MEOX1: variants seen among roughly 807,000 people sequenced by gnomAD.
MEOX1 encodes the protein homeobox protein MOX-1.
In MEOX1, 17 loss-of-function variants were observed where a neutral mutation model predicts 23.2. That is an observed-to-expected ratio of 0.73 (90% confidence interval 0.50 to 1.10). MEOX1 has a LOEUF of 1.10. MEOX1 is among the 50% of genes least tolerant of loss of function. The pLI is 0.00. For missense variants in MEOX1, 333 were observed against 332.2 expected, an observed-to-expected ratio of 1.00 and a Z score of -0.02; for synonymous variants, 134 against 135.1, an observed-to-expected ratio of 0.99 and a Z score of 0.06.
At chr17:43,650,239 T>C (rs1715757487) in intron 1 of MEOX1, among the ~76,000 whole-genome samples, 1 of 151,670 alleles carries the variant, frequency 6.6e-6, no homozygotes, top group South Asian at 2.1e-4. Context: ...GACTTAGAGA[T>C]GATCAATGTC....
Position 43,641,856 on chromosome 17 carries a change from G to A in MEOX1, c.*54C>T. On this transcript the variant is annotated 3_prime_UTR_variant, in exon 3 of 3. Transcript: ENST00000318579. ...AGAGGGTGAAGGTGGGATTGGGGTG[G>A]GGGTAGTTGGGTAGGGGGCTCAGTC... The A allele has an allele frequency of 6.4e-7, 1 of 1,556,310 alleles. No homozygotes were observed. The highest frequency in any genetic ancestry group is 8.7e-7 in the Non-Finnish European group (1 of 1,149,626).
At chr17:43,657,015 T>TTTCTTTCTTTCC (rs1973036775) in intron 1 of MEOX1, among the ~76,000 whole-genome samples, 2 of 104,562 alleles carry the variant, frequency 1.9e-5, no homozygotes, top group South Asian at 7.2e-4. Flanking sequence ...TTTCTTTCTC[T>TTTCTTTCTTTCC]TTCTTTCTTT....
intron 1 of MEOX1, among the ~76,000 whole-genome samples, chr17:43,651,313 C>G (rs948905971): frequency 6.6e-6 from 1 of 151,994 alleles, no homozygotes; most frequent in Admixed American, 6.6e-5. Context: ...AGTGAGACTC[C>G]GTCTCAGAAA....
chr17:43,661,285 G>C lies in MEOX1; in HGVS notation c.250C>G (p.Gln84Glu), dbSNP rs713993044. The C allele has an allele frequency of 6.2e-7, 1 of 1,610,946 alleles. No homozygotes were observed. Among genetic ancestry groups the C allele is most frequent in the Non-Finnish European group, 8.5e-7 (1 of 1,178,124 alleles). The part of the protein sequence containing the change: ...LPQEEHIFTE[Q>E]HPAFPQSPNW... ...GGGGACTGTGGGAAAGCGGGGTGCT[G>C]CTCAGTGAAGATGTGCTCCTCCTGG... Residue 84 changes from glutamine to glutamate, a missense_variant, in exon 1 of 3, where the codon CAG becomes GAG. Coordinates refer to ENST00000318579, the MANE Select transcript of MEOX1 (RefSeq NM_004527.4).
chr17:43,657,012 CT>C lies in MEOX1; in HGVS notation c.469+4053del, dbSNP rs1652479085. Among the ~76,000 whole-genome samples, 3 of 105,086 alleles carry C rather than the reference CT, an allele frequency of 2.9e-5. No homozygotes were observed. In the East Asian group the frequency reaches 8.0e-4, roughly 28 times the overall value. 68.9% of individuals were successfully genotyped at this position (105,086 alleles called of 152,430 possible). A position where few individuals can be genotyped will look rare whatever the true frequency, so the allele number is the denominator to read the frequency against. On this transcript the variant is annotated intron_variant, in intron 1 of 2. Coordinates refer to ENST00000318579, the MANE Select transcript of MEOX1 (RefSeq NM_004527.4). ...TTTCTTTCTTTTTCTTTCTTTCTTT[CT>C]CTTTCTTTCTTTCTTTCTTTCTTTC...
intron 1 of MEOX1, among the ~76,000 whole-genome samples, chr17:43,660,067 C>G (rs2154589055): frequency 6.6e-6 from 1 of 152,342 alleles, no homozygotes; most frequent in South Asian, 2.1e-4. Context: ...GACAGGCGTG[C>G]CCCTGAGGGC....
At position 43,641,959 on chromosome 17, in the gene MEOX1, C is replaced by T; in HGVS notation, c.716G>A (p.Gly239Glu). The part of the protein sequence containing the change: ...VKGGQPISPN[G>E]QDPEDGDSTA... Reference sequence around the variant, plus strand: ...GGAGTCCCCATCCTCAGGGTCCTGCCCATTGGGGGAGATGGGCTGACCTCC... The same window carrying T: ...GGAGTCCCCATCCTCAGGGTCCTGCTCATTGGGGGAGATGGGCTGACCTCC... Residue 239 changes from glycine to glutamate, a missense_variant, in exon 3 of 3, where the codon GGG (glycine) becomes GAG (glutamate). By Grantham distance (98) the Gly-to-Glu change is moderately conservative. Coordinates refer to ENST00000318579, the MANE Select transcript of MEOX1 (RefSeq NM_004527.4). 1 of 1,614,058 alleles carries T rather than the reference C, an allele frequency of 6.2e-7. No homozygotes were observed.
chr17:43,644,686 C>T (rs1972769247), intron 1 of MEOX1, among the ~76,000 whole-genome samples: 1 of 152,018 alleles, frequency 6.6e-6, no homozygotes, highest in Non-Finnish European at 1.5e-5. Flanking sequence ...GAGGCCAAGG[C>T]GGGCGGATCA....
intron 1 of MEOX1, among the ~76,000 whole-genome samples, chr17:43,650,874 G>A (rs916319789): frequency 1.3e-5 from 2 of 152,178 alleles, no homozygotes; most frequent in Non-Finnish European, 2.9e-5. Context: ...TGGCCTGACT[G>A]TCTCACTGAG....
At chr17:43,642,299 CA>C (rs1309290253) in intron 2 of MEOX1, among the ~76,000 whole-genome samples, 12 of 152,166 alleles carry the variant, frequency 7.9e-5, no homozygotes, top group Admixed American at 2.0e-4. Context: ...ACCCCCTTCA[CA>C]TGCCCTGCCC....
In MEOX1 at chr17:43,660,153, G is replaced by A. The variant is rs115119292; in HGVS notation, c.469+913C>T. Among the ~76,000 whole-genome samples the A allele has an allele frequency of 3.0e-3, 451 of 152,322 alleles. 3 individuals carry two copies. Among genetic ancestry groups the A allele is most frequent in the African/African-American group, 0.01 (426 of 41,584 alleles). ...TTTGTTCTGAACGAGGCCGGGACAA[G>A]GAACCAGACAAAAGGTGGACAGGTA... On this transcript the variant is annotated intron_variant, in intron 1 of 2. Coordinates refer to ENST00000318579, the MANE Select transcript of MEOX1 (RefSeq NM_004527.4).
At position 43,661,246 on chromosome 17, in the gene MEOX1, G is replaced by C; in HGVS notation, c.289C>G (p.Pro97Ala). The change falls in exon 1 of 3, where the codon CCT becomes GCT. Residue 97 changes from proline to alanine, a missense_variant. Transcript: ENST00000318579. ...AFPQSPNWHF[P>A]VSDARRRPNS... ...GGCCTGCGCCGGGCGTCTGAGACAG[G>C]GAAGTGCCAGTTGGGGGACTGTGGG... is the stretch of plus-strand genomic sequence containing the variant. 1 of 1,609,894 alleles carries C rather than the reference G, an allele frequency of 6.2e-7. No individual in the cohort carries two copies. Among genetic ancestry groups the C allele is most frequent in the Non-Finnish European group, 8.5e-7 (1 of 1,177,600 alleles).
chr17:43,643,577 C>T lies in MEOX1; in HGVS notation c.553G>A (p.Glu185Lys). 6.2e-7 allele frequency: 1 copy of T among 1,612,922 alleles called. No individual in the cohort carries two copies. Among genetic ancestry groups the T allele is most frequent in the Non-Finnish European group, 8.5e-7 (1 of 1,179,682 alleles). Reference protein sequence around the residue: ...RTAFTKEQLRELEAEFAHHNY... With the variant: ...RTAFTKEQLRKLEAEFAHHNY... ...TGATGGGCAAACTCTGCCTCCAGCT[C>T]TCGCAGCTGCTCCTTGGTGAAGGCC... Residue 185 changes from glutamate (E) to lysine (K), a missense_variant, in exon 2 of 3, where the codon GAG (glutamate) becomes AAG (lysine). Glu to Lys is a moderately conservative substitution (Grantham distance 56). Coordinates refer to ENST00000318579, the MANE Select transcript of MEOX1 (RefSeq NM_004527.4).
chr17:43,653,348 C>A (rs1438040075), intron 1 of MEOX1, among the ~76,000 whole-genome samples: 1 of 150,442 alleles, frequency 6.6e-6, no homozygotes, highest in African/African-American at 2.5e-5. Context: ...TCATGTTGGT[C>A]AGGCTGGTCT....
chr17:43,661,605 A>G lies in MEOX1; in HGVS notation c.-71T>C, dbSNP rs907579374. On this transcript the variant is annotated 5_prime_UTR_variant, in exon 1 of 3. Transcript: ENST00000318579. ...TATACTTTTTATGTTCAAATTTTTA[A>G]AAATGCAAAAGAAAAAAAACTAAAT... The G allele has an allele frequency of 1.0e-6, 1 of 987,348 alleles. No individual in the cohort carries two copies. The highest frequency in any genetic ancestry group is 1.7e-5 in the African/African-American group (1 of 59,124). 61.2% of individuals were successfully genotyped at this position (987,348 alleles called of 1,614,324 possible).
rs778764520 is a variant in MEOX1 at position 43,661,157 on chromosome 17, G to A, written c.378C>T (p.Thr126=). The change falls in exon 1 of 3, where the codon ACC becomes ACT. Residue 126 remains threonine, a synonymous_variant. Transcript: ENST00000318579. The part of the protein sequence containing the change: ...MGTSSLGLVD[T]TGGPGDDYGV... ...CGTAGTCATCGCCTGGGCCTCCTGTGGTGTCCACCAGGCCCAGGCTGCTGG... is the reference window on the plus strand; with the variant it reads ...CGTAGTCATCGCCTGGGCCTCCTGTAGTGTCCACCAGGCCCAGGCTGCTGG... 9 of 1,582,612 alleles carry A rather than the reference G, an allele frequency of 5.7e-6. No homozygotes were observed. In the Admixed American group the frequency reaches 1.4e-4, roughly 25 times the overall value.
chr17:43,642,090 T>A, intron 2 of MEOX1, 58 bp from the exon 3 acceptor site: 2 of 1,560,636 alleles, frequency 1.3e-6, no homozygotes, highest in Non-Finnish European at 1.7e-6. Context: ...CTCCTCCCCA[T>A]GTCAATGCTT....
chr17:43,650,597 T>C (rs1241270571), intron 1 of MEOX1, among the ~76,000 whole-genome samples: 1 of 152,162 alleles, frequency 6.6e-6, no homozygotes, highest in African/African-American at 2.4e-5. Context: ...GGTTCAGATC[T>C]CTCTCCCTGG....
rs1973150588 is a variant in MEOX1, at chr17:43,661,740, A to G, written c.-206T>C. On this transcript the variant is annotated 5_prime_UTR_variant, in exon 1 of 3. Transcript: ENST00000318579. Reference sequence around the variant, plus strand: ...CACACACATGTGGCCAGCTACTCCTATGTGTGTGCACACACCTATGTCGGG... The same window carrying G: ...CACACACATGTGGCCAGCTACTCCTGTGTGTGTGCACACACCTATGTCGGG... 8.3e-6 allele frequency: 4 copies of G among 483,508 alleles called. No individual in the cohort carries two copies. The highest frequency in any genetic ancestry group is 1.4e-5 in the Non-Finnish European group (4 of 277,618). 30.0% of individuals were successfully genotyped at this position (483,508 alleles called of 1,614,324 possible).
Sources: allele counts gnomAD v4.1 joint callset (sites outside exome capture counted in the v4.1 genomes callset), GRCh38; gene constraint gnomAD v4.1.1; transcripts MANE v1.5; gene names NCBI Gene and HGNC (gene_info 2026-07-23, HGNC 2026-07-21).